HYAL4: variants seen among roughly 807,000 people sequenced by gnomAD.
HYAL4 encodes hyaluronidase 4, also known as hyaluronidase-4.
HYAL4 carries 37 observed loss-of-function variants against 35.2 expected under a neutral mutation model. The ratio of observed to expected loss-of-function variants is 1.05; its 90% CI spans 0.81 to 1.38. HYAL4 has a LOEUF of 1.38. HYAL4 is among the 40% of genes most tolerant of loss of function. The pLI, the probability that HYAL4 is intolerant of heterozygous loss-of-function variation, is 0.00. For missense variants in HYAL4, 572 were observed against 572.4 expected, an observed-to-expected ratio of 1.00 and a Z score of 0.01; for synonymous variants, 198 against 203.2, an observed-to-expected ratio of 0.97 and a Z score of 0.22.
intron 2 of HYAL4, among the ~76,000 whole-genome samples, chr7:123,850,311 T>C (rs1806275155): frequency 6.6e-6 from 1 of 152,152 alleles, no homozygotes; most frequent in African/African-American, 2.4e-5. Flanking sequence ...GCATGATCAC[T>C]GCTCACTGCA....
chr7:123,837,605 C>T (rs142992371), intron 1 of HYAL4, among the ~76,000 whole-genome samples: 26 of 151,954 alleles, frequency 1.7e-4, no homozygotes, highest in Non-Finnish European at 3.7e-4. Context: ...ATACATGCGC[C>T]ATGTTGGTGT....
the HYAL4 span, among the ~76,000 whole-genome samples, chr7:123,776,008 A>G: frequency 6.6e-6 from 1 of 152,182 alleles, no homozygotes; most frequent in Non-Finnish European, 1.5e-5. Context: ...GGCACACCCA[A>G]CACTTGCCAT....
At position 123,834,689 on chromosome 7, in the gene HYAL4, C is replaced by T. The variant is rs141120489; in HGVS notation, c.-257+5565C>T. Among the ~76,000 whole-genome samples, 690 of 152,180 alleles carry T rather than the reference C, an allele frequency of 4.5e-3. 14 individuals carry two copies. Among genetic ancestry groups the T allele is most frequent in the Admixed American group, 0.027 (413 of 15,290 alleles). On this transcript the variant is annotated intron_variant, in intron 1 of 4. Coordinates refer to the HYAL4 transcript ENST00000489978. ...CAGAGGGAATGCTTTCAGCTTTTCC[C>T]CATTCAGTATTATGTTGGCTGTGGG...
At chr7:123,807,432 G>GTTTTTTTTTTTTTTTT in the HYAL4 span, among the ~76,000 whole-genome samples, 6 of 120,772 alleles carry the variant, frequency 5.0e-5, no homozygotes, top group African/African-American at 6.2e-5. Context: ...ACTTTTTATG[G>GTTTTTTTTTTTTTTTT]TTTTTTTTTT....
At chr7:123,782,339 A>G in the HYAL4 span, among the ~76,000 whole-genome samples, 1 of 152,180 alleles carries the variant, frequency 6.6e-6, no homozygotes, top group East Asian at 1.9e-4. Context: ...TAGTTTCAGG[A>G]AAAGAGCTAT....
the HYAL4 span, among the ~76,000 whole-genome samples, chr7:123,811,766 A>T: frequency 1.3e-5 from 2 of 151,904 alleles, no homozygotes; most frequent in African/African-American, 2.4e-5. Flanking sequence ...AGGTAATCTA[A>T]ATTTTCTCCT....
chr7:123,877,458 T>A lies in HYAL4; in HGVS notation c.*303T>A. 1 of 218,052 alleles carries A rather than the reference T, an allele frequency of 4.6e-6. No homozygotes were observed. The highest frequency in any genetic ancestry group is 9.1e-6 in the Non-Finnish European group (1 of 110,124). 13.5% of individuals were successfully genotyped at this position (218,052 alleles called of 1,614,324 possible). The stretch of plus-strand genomic sequence containing the variant: ...ACATACATAAAATTATACATAAAAA[T>A]ATTAAATTATTCATTTCAAAGACTG... On this transcript the variant is annotated 3_prime_UTR_variant, in exon 5 of 5. Transcript: ENST00000223026.
intron 2 of HYAL4, among the ~76,000 whole-genome samples, chr7:123,865,316 A>T (rs1486529525): frequency 6.6e-6 from 1 of 152,172 alleles, no homozygotes; most frequent in African/African-American, 2.4e-5. Context: ...TCCCCCTTCT[A>T]TTAATGAATG....
At chr7:123,795,562 T>C in the HYAL4 span, among the ~76,000 whole-genome samples, 90 of 152,090 alleles carry the variant, frequency 5.9e-4, no homozygotes, top group Non-Finnish European at 7.5e-4. Flanking sequence ...GATCTGATGG[T>C]TTTATAAGGG....
At chr7:123,792,124 T>C in the HYAL4 span, among the ~76,000 whole-genome samples, 1 of 151,326 alleles carries the variant, frequency 6.6e-6, no homozygotes, top group Admixed American at 6.6e-5. Flanking sequence ...CCTGACCTCA[T>C]TGTTTCACTG....
chr7:123,849,287 C>T (rs1281986530), intron 2 of HYAL4, among the ~76,000 whole-genome samples: 1 of 150,794 alleles, frequency 6.6e-6, no homozygotes, highest in Non-Finnish European at 1.5e-5. Flanking sequence ...CTCTCTCTCC[C>T]TCTCTCTCTC....
At chr7:123,844,570 TCAGA>T (rs934287691), upstream of HYAL4, among the ~76,000 whole-genome samples, 5 of 152,198 alleles carry the variant, frequency 3.3e-5, no homozygotes, top group Non-Finnish European at 5.9e-5. Flanking sequence ...TTCAGAGCTG[TCAGA>T]CAGAGACGTT....
chr7:123,852,212 T>C (rs926897347), intron 2 of HYAL4, among the ~76,000 whole-genome samples: 5 of 152,328 alleles, frequency 3.3e-5, no homozygotes, highest in African/African-American at 1.2e-4. Context: ...GATGATAGTT[T>C]CTTTTGCTGT....
At chr7:123,790,881 C>T in the HYAL4 span, among the ~76,000 whole-genome samples, 6 of 152,090 alleles carry the variant, frequency 3.9e-5, no homozygotes, top group East Asian at 9.7e-4. Context: ...TCTCCTGCCT[C>T]AGCCTCCCAA....
intron 1 of HYAL4, among the ~76,000 whole-genome samples, chr7:123,834,528 A>G (rs1805932337): frequency 6.6e-6 from 1 of 152,122 alleles, no homozygotes; most frequent in African/African-American, 2.4e-5. Context: ...ATATCATCAG[A>G]AAACAGTGAC....
At chr7:123,783,345 A>G in the HYAL4 span, among the ~76,000 whole-genome samples, 1 of 152,194 alleles carries the variant, frequency 6.6e-6, no homozygotes, top group Non-Finnish European at 1.5e-5. Context: ...TCATAATTGC[A>G]TTTCTACTTC....
chr7:123,836,954 G>A (rs1055074289), intron 1 of HYAL4, among the ~76,000 whole-genome samples: 1 of 151,994 alleles, frequency 6.6e-6, no homozygotes, highest in Admixed American at 6.6e-5. Context: ...CTTGAATCCT[G>A]GAGGCCAAGG....
At chr7:123,857,649 C>CTTTG (rs1562999381) in intron 2 of HYAL4, among the ~76,000 whole-genome samples, 2 of 149,828 alleles carry the variant, frequency 1.3e-5, no homozygotes, top group Non-Finnish European at 3.0e-5. Flanking sequence ...AGCTGCCTTT[C>CTTTG]TTTGTTTCTT....
At chr7:123,773,146 C>CT in the HYAL4 span, among the ~76,000 whole-genome samples, 1 of 152,090 alleles carries the variant, frequency 6.6e-6, no homozygotes, top group African/African-American at 2.4e-5. Context: ...CTTATTCGCA[C>CT]TTCGTTTTTG....
Sources: allele counts gnomAD v4.1 joint callset (sites outside exome capture counted in the v4.1 genomes callset), GRCh38; gene constraint gnomAD v4.1.1; transcripts MANE v1.5; gene names NCBI Gene and HGNC (gene_info 2026-07-23, HGNC 2026-07-21).